Variants in PPP1R12A observed in about 807,000 individuals in gnomAD.
The protein encoded by PPP1R12A is myosin binding subunit.
A neutral mutation model predicts 139.6 loss-of-function variants in PPP1R12A; 19 were observed. The observed-to-expected ratio is 0.14, with a 90% CI of 0.09 to 0.20. The LOEUF (loss-of-function observed/expected upper bound fraction) is 0.20, where lower values mean the gene tolerates loss of function less well. Among genes scored for constraint, PPP1R12A ranks in the 10% least tolerant of loss-of-function variants. The probability of loss-of-function intolerance (pLI) is 1.00; values close to 1 mark genes in which losing one functional copy is unlikely to be tolerated. For missense variants in PPP1R12A, 925 were observed against 1,211.5 expected (o/e 0.76, Z 3.51); for synonymous variants, 427 against 420.6 (o/e 1.02, Z -0.19).
intron 23 of PPP1R12A, chr12:79,778,822 T>C: frequency 2.9e-6 from 1 of 350,218 alleles, no homozygotes; most frequent in Non-Finnish European, 5.2e-6. Context: ...AAGCTTTGAC[T>C]TTCTGGGAAG....
At chr12:79,926,162 C>T (rs1398849801) in intron 1 of PPP1R12A, among the ~76,000 whole-genome samples, 3 of 152,114 alleles carry the variant, frequency 2.0e-5, no homozygotes, top group African/African-American at 7.2e-5. Flanking sequence ...TAATAGATCT[C>T]ATTTCAAAAA....
chr12:79,866,774 A>G (rs1434747322), intron 2 of PPP1R12A, among the ~76,000 whole-genome samples: 2 of 152,234 alleles, frequency 1.3e-5, no homozygotes, highest in Non-Finnish European at 2.9e-5. Context: ...ATGAGATACC[A>G]TCTCACGCCA....
intron 9 of PPP1R12A, among the ~76,000 whole-genome samples, chr12:79,812,083 T>G (rs555106091): frequency 6.6e-6 from 1 of 152,278 alleles, no homozygotes; most frequent in East Asian, 1.9e-4. Flanking sequence ...ATACTACTAT[T>G]ACTGTTATTT....
chr12:79,852,636 G>T (rs1351872027), intron 2 of PPP1R12A, among the ~76,000 whole-genome samples: 1 of 152,112 alleles, frequency 6.6e-6, no homozygotes, highest in African/African-American at 2.4e-5. Context: ...TCGGCAAGTT[G>T]GGGGTAGATG....
Position 79,834,617 on chromosome 12 carries a change from T to C in PPP1R12A, c.488-2126A>G, listed in dbSNP as rs74619474. Among the ~76,000 whole-genome samples the C allele has an allele frequency of 6.3e-3, 956 of 152,264 alleles. 5 individuals are homozygous for C. The highest frequency in any genetic ancestry group is 0.019 in the African/African-American group (801 of 41,540). ...AATCAGAGGTTTTCAGTCTGAGCAA[T>C]TGAAAAAATTAAAGCTTCAATTTCG... On this transcript the variant is annotated intron_variant, in intron 3 of 24. Coordinates refer to ENST00000450142, the MANE Select transcript of PPP1R12A (RefSeq NM_002480.3).
At chr12:79,850,934 G>A (rs537588776) in intron 2 of PPP1R12A, among the ~76,000 whole-genome samples, 1 of 152,228 alleles carries the variant, frequency 6.6e-6, no homozygotes, top group Non-Finnish European at 1.5e-5. Context: ...CATGCTTCCT[G>A]TACAGCCTAT....
intron 20 of PPP1R12A, 69 bp from the exon 21 acceptor site, chr12:79,788,852 G>A (rs1871440168): frequency 7.4e-7 from 1 of 1,345,754 alleles, no homozygotes; most frequent in Non-Finnish European, 1.0e-6. Context: ...ATACATCCTA[G>A]TACACATATA....
At chr12:79,909,566 C>T (rs1886394053) in intron 1 of PPP1R12A, among the ~76,000 whole-genome samples, 1 of 151,968 alleles carries the variant, frequency 6.6e-6, no homozygotes, top group African/African-American at 2.4e-5. Context: ...GAAACCCCGT[C>T]TCTACTAAAA....
At chr12:79,851,439 G>C (rs1290157312) in intron 2 of PPP1R12A, among the ~76,000 whole-genome samples, 1 of 152,154 alleles carries the variant, frequency 6.6e-6, no homozygotes. Flanking sequence ...AAAAATAACA[G>C]TTCTTTTCTA....
At chr12:79,788,434 G>C (rs1010436878) in intron 21 of PPP1R12A, 1 of 466,302 alleles carries the variant, frequency 2.1e-6, no homozygotes, top group African/African-American at 1.9e-5. Context: ...GCAATGACTT[G>C]AGATACTTAA....
At chr12:79,934,497 T>C (rs1888514820) in intron 1 of PPP1R12A, among the ~76,000 whole-genome samples, 198 bp downstream of exon 1, 1 of 152,202 alleles carries the variant, frequency 6.6e-6, no homozygotes, top group Non-Finnish European at 1.5e-5. Context: ...GCAACTGTTC[T>C]GAAGGGGGGC....
At chr12:79,897,618 G>A (rs918035926) in intron 1 of PPP1R12A, among the ~76,000 whole-genome samples, 5 of 152,232 alleles carry the variant, frequency 3.3e-5, no homozygotes, top group African/African-American at 1.2e-4. Context: ...CTAGGTTTAT[G>A]TGATCAAGTG....
chr12:79,796,081 A>G (rs925986613), intron 17 of PPP1R12A, among the ~76,000 whole-genome samples: 6 of 152,180 alleles, frequency 3.9e-5, no homozygotes, highest in African/African-American at 7.2e-5. Context: ...CATCTCAATG[A>G]TCAACATGAG....
intron 3 of PPP1R12A, among the ~76,000 whole-genome samples, chr12:79,842,233 T>A (rs1878807553): frequency 6.6e-6 from 1 of 151,698 alleles, no homozygotes; most frequent in African/African-American, 2.4e-5. Context: ...GGTGGGAGGA[T>A]CGCTAGGGTC....
chr12:79,854,513 C>T (rs1246224758), intron 2 of PPP1R12A, among the ~76,000 whole-genome samples: 2 of 152,098 alleles, frequency 1.3e-5, no homozygotes, highest in African/African-American at 4.8e-5. Flanking sequence ...TATCATTTTC[C>T]CAATGACAAA....
intron 1 of PPP1R12A, among the ~76,000 whole-genome samples, chr12:79,934,008 C>A (rs1003775377): frequency 4.8e-5 from 3 of 62,790 alleles, no homozygotes; most frequent in African/African-American, 9.6e-5. Context: ...CAACACGTTC[C>A]GGTCCGGAGG....
At chr12:79,800,565 C>T (rs1370147683) in intron 14 of PPP1R12A, among the ~76,000 whole-genome samples, 3 of 151,514 alleles carry the variant, frequency 2.0e-5, no homozygotes, top group Non-Finnish European at 4.4e-5. Context: ...AAAAGTTTTA[C>T]GCAAATTTTT....
At position 79,797,221 on chromosome 12, in the gene PPP1R12A, G is replaced by T; in HGVS notation, c.2266C>A (p.Gln756Lys). 6.3e-7 allele frequency: 1 copy of T among 1,588,100 alleles called. No individual in the cohort carries two copies. The highest frequency in any genetic ancestry group is 1.1e-5 in the South Asian group (1 of 87,222). Residue 756 changes from glutamine to lysine, a missense_variant, in exon 16 of 25, where the codon CAA becomes AAA. Around this residue, in one of 4 missense-constraint regions of PPP1R12A, gnomAD observed 315 missense variants for 363.4 expected, o/e 0.87. Transcript: ENST00000450142. ...TCATCATACGTTCTGGAGTACTTTT[G>T]TTTATATTCATCTTCTCTAGATGTT... is the stretch of plus-strand genomic sequence containing the variant. ...SETSREDEYK[Q>K]KYSRTYDETY...
chr12:79,823,621 T>A (rs368915776), intron 5 of PPP1R12A, among the ~76,000 whole-genome samples: 22 of 150,838 alleles, frequency 1.5e-4, no homozygotes, highest in African/African-American at 4.9e-4. Context: ...AAAGATAGGA[T>A]CTTGCTCTGT....
Sources: allele counts gnomAD v4.1 joint callset (sites outside exome capture counted in the v4.1 genomes callset), GRCh38; gene constraint gnomAD v4.1.1; regional missense constraint gnomAD v4.1.1; transcripts MANE v1.5; gene names NCBI Gene and HGNC (gene_info 2026-07-23, HGNC 2026-07-21).